Variants in ENTREP1 observed in about 807,000 individuals in gnomAD.
ENTREP1 encodes the protein endosomal transmembrane epsin interactor 1.
the ENTREP1 span, chr9:69,325,513 C>T: frequency 2.0e-6 from 2 of 982,972 alleles, no homozygotes; most frequent in Non-Finnish European, 2.4e-6. Flanking sequence ...GGGTGCTGGC[C>T]GCGCCGCCGG....
chr9:69,359,060 C>T, the ENTREP1 span, among the ~76,000 whole-genome samples: 13 of 151,902 alleles, frequency 8.6e-5, no homozygotes, highest in East Asian at 1.4e-3. Context: ...CGTGTATCAC[C>T]GTGCCTGGCT....
chr9:69,335,834 A>ACGCGCCTGTAGTCCTGACG, the ENTREP1 span, among the ~76,000 whole-genome samples: 1 of 147,096 alleles, frequency 6.8e-6, no homozygotes, highest in African/African-American at 2.5e-5. Context: ...GTGTGGTGAC[A>ACGCGCCTGTAGTCCTGACG]TGCGCCTGTA....
the ENTREP1 span, among the ~76,000 whole-genome samples, chr9:69,345,052 C>A: frequency 2.0e-5 from 3 of 152,228 alleles, no homozygotes; most frequent in Non-Finnish European, 1.5e-5. Flanking sequence ...TAAATAGATT[C>A]ATTTTAAAAC....
chr9:69,334,102 T>C, the ENTREP1 span, among the ~76,000 whole-genome samples: 2 of 152,198 alleles, frequency 1.3e-5, no homozygotes, highest in African/African-American at 4.8e-5. Context: ...GTTAAGTCTT[T>C]AGAAGCTGAG....
the ENTREP1 span, among the ~76,000 whole-genome samples, chr9:69,367,482 C>T: frequency 2.7e-5 from 4 of 150,550 alleles, no homozygotes; most frequent in Admixed American, 6.6e-5. Context: ...TTTTCCAATC[C>T]ATGAACATGG....
the ENTREP1 span, among the ~76,000 whole-genome samples, chr9:69,338,875 A>G: frequency 6.6e-6 from 1 of 152,248 alleles, no homozygotes; most frequent in African/African-American, 2.4e-5. Flanking sequence ...AGAAGGTCGC[A>G]TAGAGATTGT....
At chr9:69,375,644 C>A in the ENTREP1 span, 1 of 1,007,716 alleles carries the variant, frequency 9.9e-7, no homozygotes. Context: ...ACCCTGCCAT[C>A]ATCTCATTCT....
the ENTREP1 span, chr9:69,325,268 C>A: frequency 8.9e-6 from 9 of 1,015,552 alleles, no homozygotes; most frequent in African/African-American, 4.3e-5. Flanking sequence ...CCTCTGCCCG[C>A]CGCAGCCGGC....
chr9:69,325,037 C>A, the ENTREP1 span: 1 of 985,382 alleles, frequency 1.0e-6, no homozygotes, highest in Non-Finnish European at 1.2e-6. Flanking sequence ...CCCGGCACAG[C>A]GCGAGCACGG....
At chr9:69,389,834 G>A in the ENTREP1 span, among the ~76,000 whole-genome samples, 1 of 152,230 alleles carries the variant, frequency 6.6e-6, no homozygotes, top group Non-Finnish European at 1.5e-5. Context: ...CATCACAAAT[G>A]TTTGCTAGAT....
At chr9:69,368,632 G>A in the ENTREP1 span, among the ~76,000 whole-genome samples, 1 of 152,030 alleles carries the variant, frequency 6.6e-6, no homozygotes, top group Admixed American at 6.6e-5. Flanking sequence ...TCCTTGTTTG[G>A]TGTTGGTATT....
the ENTREP1 span, among the ~76,000 whole-genome samples, chr9:69,367,620 CAT>C: frequency 7.8e-6 from 1 of 128,308 alleles, no homozygotes; most frequent in South Asian, 2.5e-4. Context: ...TATATACACA[CAT>C]ATATATAAAT....
chr9:69,355,292 C>A, the ENTREP1 span, among the ~76,000 whole-genome samples: 1 of 152,176 alleles, frequency 6.6e-6, no homozygotes, highest in Admixed American at 6.5e-5. Flanking sequence ...ACTCAGTAAA[C>A]ATTTTTTGAG....
At chr9:69,351,548 C>T in the ENTREP1 span, among the ~76,000 whole-genome samples, 1 of 152,284 alleles carries the variant, frequency 6.6e-6, no homozygotes, top group African/African-American at 2.4e-5. Context: ...TTTGGAGTAG[C>T]TGGGACTACA....
chr9:69,345,550 G>A, the ENTREP1 span, among the ~76,000 whole-genome samples: 9 of 152,156 alleles, frequency 5.9e-5, no homozygotes, highest in Non-Finnish European at 1.3e-4. Flanking sequence ...TTTTAAGAGG[G>A]AAAATATTTT....
chr9:69,354,120 A>G, the ENTREP1 span, among the ~76,000 whole-genome samples: 4 of 152,128 alleles, frequency 2.6e-5, no homozygotes, highest in Admixed American at 2.6e-4. Context: ...CTCATCAAGT[A>G]TCTAGGCATT....
chr9:69,343,231 G>A, the ENTREP1 span, among the ~76,000 whole-genome samples: 2 of 152,182 alleles, frequency 1.3e-5, no homozygotes, highest in Admixed American at 1.3e-4. Context: ...TTTGTATCAT[G>A]CTTACAAAAC....
chr9:69,325,193 C>T, the ENTREP1 span: 4 of 1,030,170 alleles, frequency 3.9e-6, no homozygotes, highest in Non-Finnish European at 4.7e-6. Context: ...TTCCCTCCCC[C>T]TCGGCCTCGG....
At chr9:69,377,300 A>G in the ENTREP1 span, 1 of 935,566 alleles carries the variant, frequency 1.1e-6, no homozygotes, top group Admixed American at 1.7e-5. Flanking sequence ...ATTATTTTAA[A>G]GATTTTCTAC....
Sources: allele counts gnomAD v4.1 joint callset (sites outside exome capture counted in the v4.1 genomes callset), GRCh38; gene constraint gnomAD v4.1.1; transcripts MANE v1.5; gene names NCBI Gene and HGNC (gene_info 2026-07-23, HGNC 2026-07-21).